Variants in PDK1 observed in about 807,000 individuals in gnomAD.
PDK1 encodes [Pyruvate dehydrogenase (acetyl-transferring)] kinase isozyme 1, mitochondrial.
Under a neutral mutation model 54.2 loss-of-function variants are expected in PDK1, and 39 were observed. The ratio of observed to expected loss-of-function variants is 0.72; its 90% CI spans 0.56 to 0.94. The LOEUF (loss-of-function observed/expected upper bound fraction) is 0.94, where lower values mean the gene tolerates loss of function less well. Among genes scored for constraint, PDK1 ranks in the 40% least tolerant of loss-of-function variants. The pLI, the probability that PDK1 is intolerant of heterozygous loss-of-function variation, is 0.00. For synonymous variants in PDK1, 221 were observed against 207.1 expected (o/e 1.07, Z -0.58); for missense variants, 552 against 566.0 (o/e 0.98, Z 0.25).
intron 8 of PDK1, among the ~76,000 whole-genome samples, chr2:172,574,711 A>AT (rs1324766913): frequency 6.6e-6 from 1 of 152,062 alleles, no homozygotes; most frequent in Admixed American, 6.6e-5. Flanking sequence ...TATTAATTCC[A>AT]TTTTTTGGAT....
the PDK1 span, among the ~76,000 whole-genome samples, chr2:172,662,431 T>G: frequency 6.6e-6 from 1 of 151,952 alleles, no homozygotes; most frequent in African/African-American, 2.4e-5. Context: ...ATGACTCATA[T>G]GCATATACGT....
chr2:172,686,543 A>C, the PDK1 span, among the ~76,000 whole-genome samples: 1 of 152,162 alleles, frequency 6.6e-6, no homozygotes, highest in Non-Finnish European at 1.5e-5. Flanking sequence ...ACCAATCAGC[A>C]GGACATGGGC....
the PDK1 span, among the ~76,000 whole-genome samples, chr2:172,658,664 T>C: frequency 1.3e-5 from 2 of 152,106 alleles, no homozygotes; most frequent in African/African-American, 4.8e-5. Context: ...ATTAAGACCC[T>C]AGGAAAAGAA....
the PDK1 span, among the ~76,000 whole-genome samples, chr2:172,711,865 CAAAAA>C: frequency 0.013 from 305 of 22,732 alleles, no homozygotes; most frequent in African/African-American, 0.037. Context: ...GAACCTAGCT[CAAAAA>C]AAAAAAAAAA....
At chr2:172,675,320 G>T in the PDK1 span, among the ~76,000 whole-genome samples, 3 of 152,186 alleles carry the variant, frequency 2.0e-5, no homozygotes, top group Non-Finnish European at 4.4e-5. Context: ...TTGCTGAGGA[G>T]GGCATGTTGG....
chr2:172,648,171 T>A, the PDK1 span, among the ~76,000 whole-genome samples: 2 of 152,316 alleles, frequency 1.3e-5, no homozygotes, highest in East Asian at 3.9e-4. Flanking sequence ...GGAAACCCGA[T>A]AAAATTTAAA....
chr2:172,621,050 C>T, the PDK1 span, among the ~76,000 whole-genome samples: 1 of 152,180 alleles, frequency 6.6e-6, no homozygotes, highest in Non-Finnish European at 1.5e-5. Context: ...GAAGCCAAGG[C>T]AGACGGATCA....
the PDK1 span, among the ~76,000 whole-genome samples, chr2:172,617,127 A>G: frequency 6.6e-6 from 1 of 151,426 alleles, no homozygotes; most frequent in Non-Finnish European, 1.5e-5. Context: ...TTTTTTTTGT[A>G]TTTTCAGTAG....
At chr2:172,666,807 G>C in the PDK1 span, among the ~76,000 whole-genome samples, 2 of 152,096 alleles carry the variant, frequency 1.3e-5, no homozygotes, top group African/African-American at 4.8e-5. Context: ...AGTTTAAAAT[G>C]AAGAACAAAG....
chr2:172,642,200 G>T, the PDK1 span, among the ~76,000 whole-genome samples: 3 of 152,154 alleles, frequency 2.0e-5, no homozygotes, highest in Non-Finnish European at 4.4e-5. Context: ...AGGAAAAAAA[G>T]GATATGTTAT....
the PDK1 span, among the ~76,000 whole-genome samples, chr2:172,652,113 A>G: frequency 6.6e-6 from 1 of 152,242 alleles, no homozygotes; most frequent in Non-Finnish European, 1.5e-5. Flanking sequence ...CAAAAAGCTT[A>G]TCCACCACGA....
chr2:172,689,999 T>C, the PDK1 span, among the ~76,000 whole-genome samples: 9 of 149,784 alleles, frequency 6.0e-5, no homozygotes, highest in Non-Finnish European at 8.9e-5. Context: ...AATAGAGAAA[T>C]GGGGTCTAAT....
At chr2:172,681,382 G>A in the PDK1 span, among the ~76,000 whole-genome samples, 32 of 152,296 alleles carry the variant, frequency 2.1e-4, no homozygotes, top group African/African-American at 7.2e-4. Flanking sequence ...ATAGACTTGT[G>A]CCAGTTAATT....
chr2:172,670,073 G>A, the PDK1 span, among the ~76,000 whole-genome samples: 2 of 151,962 alleles, frequency 1.3e-5, no homozygotes, highest in Non-Finnish European at 1.5e-5. Flanking sequence ...ATTATTTAGA[G>A]ACAGGGTCTT....
chr2:172,610,382 C>T (rs537637462), downstream of PDK1, among the ~76,000 whole-genome samples: 1 of 152,198 alleles, frequency 6.6e-6, no homozygotes, highest in Admixed American at 6.5e-5. Flanking sequence ...CATGGGCACA[C>T]CGGATCTCTT....
At chr2:172,693,721 A>G in the PDK1 span, among the ~76,000 whole-genome samples, 2 of 152,298 alleles carry the variant, frequency 1.3e-5, no homozygotes, top group East Asian at 3.9e-4. Flanking sequence ...CTCTGGAGCC[A>G]CACCTCTTCC....
chr2:172,628,584 A>T, the PDK1 span, among the ~76,000 whole-genome samples: 6 of 152,124 alleles, frequency 3.9e-5, no homozygotes, highest in African/African-American at 1.4e-4. Flanking sequence ...TTTGAATAAT[A>T]TATAACTATT....
chr2:172,641,183 G>A, the PDK1 span, among the ~76,000 whole-genome samples: 1 of 141,784 alleles, frequency 7.1e-6, no homozygotes, highest in Non-Finnish European at 1.5e-5. Context: ...AGGCTGTAGT[G>A]TAGTGGCATC....
At chr2:172,677,712 G>A in the PDK1 span, 1 of 152,204 alleles carries the variant, frequency 6.6e-6, no homozygotes, top group East Asian at 1.9e-4. Context: ...CTTAAAAAGA[G>A]GCAGTTGTTA....
Sources: allele counts gnomAD v4.1 joint callset (sites outside exome capture counted in the v4.1 genomes callset), GRCh38; gene constraint gnomAD v4.1.1; transcripts MANE v1.5; gene names NCBI Gene and HGNC (gene_info 2026-07-23, HGNC 2026-07-21).